TRIM9: variants seen among roughly 807,000 people sequenced by gnomAD.
The protein encoded by TRIM9 is tripartite motif containing 9, also known as E3 ubiquitin-protein ligase TRIM9.
A neutral mutation model predicts 78.3 loss-of-function variants in TRIM9; 26 were observed. That is an observed-to-expected ratio of 0.33 (90% CI 0.24 to 0.46). The LOEUF (loss-of-function observed/expected upper bound fraction) is 0.46. Ranked by LOEUF, TRIM9 falls within the 20% of genes least tolerant of loss-of-function variation. TRIM9 has a pLI of 1.00. For synonymous variants in TRIM9, 398 were observed against 416.5 expected (o/e 0.96, Z 0.54); for missense variants, 787 against 1,036.4 (o/e 0.76, Z 3.30).
chr14:51,095,029 G>C lies in TRIM9; in HGVS notation c.-90C>G. 9.9e-7 allele frequency: 1 copy of C among 1,008,948 alleles called. No homozygotes were observed. The highest frequency in any genetic ancestry group is 1.3e-6 in the Non-Finnish European group (1 of 761,000). 62.5% of individuals were successfully genotyped at this position (1,008,948 alleles called of 1,614,324 possible). ...CGGGCCCGTCTTGTCCAGCACCCTG[G>C]CCAGCGGCGGCGGCTGTGGTGGTGG... On this transcript the variant is annotated 5_prime_UTR_variant, in exon 1 of 13. Transcript: ENST00000684578.
At chr14:51,083,370 G>A (rs1285113782) in intron 1 of TRIM9, among the ~76,000 whole-genome samples, 1 of 152,038 alleles carries the variant, frequency 6.6e-6, no homozygotes, top group Non-Finnish European at 1.5e-5. Flanking sequence ...TCCTGCCTCA[G>A]GAGGATCCTC....
chr14:50,975,916 C>A lies in TRIM9; in HGVS notation c.*1375G>T, dbSNP rs2051058822. The A allele has an allele frequency of 6.6e-6, 1 of 152,572 alleles. No homozygotes were observed. The highest frequency in any genetic ancestry group is 6.5e-5 in the Admixed American group (1 of 15,276). The allele number at this position is 152,572 out of a possible 1,614,324, so 9.5% of individuals were successfully genotyped here. On this transcript the variant is annotated 3_prime_UTR_variant, in exon 13 of 13. Coordinates refer to ENST00000684578, the MANE Select transcript of TRIM9 (RefSeq NM_001387360.1). ...CAGTCATAGTAATGACATACAGTCC[C>A]ATGTTTTTCCAAACATTGTTTGGAC...
In TRIM9 at chr14:51,009,171, G is replaced by C. The variant is rs971353624; in HGVS notation, c.1215C>G (p.Leu405=). 16 of 1,613,974 alleles carry C rather than the reference G, an allele frequency of 9.9e-6. No homozygotes were observed. In the African/African-American group the frequency reaches 1.9e-4, roughly 19 times the overall value. Residue 405 remains leucine, a synonymous_variant, in exon 5 of 13, where the codon CTC becomes CTG. Coordinates refer to ENST00000684578, the MANE Select transcript of TRIM9 (RefSeq NM_001387360.1). ...LTEDQWGKGT[L]TPRMTTDFDL... Reference sequence around the variant, plus strand: ...CAAAGTCCGTGGTCATCCTTGGAGTGAGTGTGCCTTTACCCCACTGATCCT... The same window carrying C: ...CAAAGTCCGTGGTCATCCTTGGAGTCAGTGTGCCTTTACCCCACTGATCCT...
intron 7 of TRIM9, among the ~76,000 whole-genome samples, chr14:50,988,072 G>A (rs1320368698): frequency 6.6e-6 from 1 of 152,196 alleles, no homozygotes. Flanking sequence ...AAAGTGCTGA[G>A]ATTACAGGCG....
At chr14:51,082,860 TCTC>T (rs144415384) in intron 1 of TRIM9, among the ~76,000 whole-genome samples, 1,984 of 152,302 alleles carry the variant, frequency 0.013, 18 homozygotes, top group Non-Finnish European at 0.017. Context: ...ATATGTAGGT[TCTC>T]TTCTGTGCAG....
At chr14:51,080,690 C>A (rs1475280817) in intron 1 of TRIM9, among the ~76,000 whole-genome samples, 1 of 152,144 alleles carries the variant, frequency 6.6e-6, no homozygotes, top group Non-Finnish European at 1.5e-5. Flanking sequence ...TGGGTGGCCA[C>A]CTTTTTGACA....
At chr14:51,043,473 C>T (rs539550300) in intron 1 of TRIM9, among the ~76,000 whole-genome samples, 28 of 152,290 alleles carry the variant, frequency 1.8e-4, no homozygotes, top group African/African-American at 6.7e-4. Flanking sequence ...TGCCTGTTGG[C>T]CCCATAAACA....
At chr14:51,019,731 C>T (rs773731555) in intron 3 of TRIM9, among the ~76,000 whole-genome samples, 1 of 152,166 alleles carries the variant, frequency 6.6e-6, no homozygotes, top group Non-Finnish European at 1.5e-5. Context: ...TTGCAATGCC[C>T]TATGAGGTAC....
chr14:51,032,114 C>G (rs1364272997), intron 1 of TRIM9, among the ~76,000 whole-genome samples: 1 of 152,194 alleles, frequency 6.6e-6, no homozygotes, highest in African/African-American at 2.4e-5. Context: ...TAATTTAAGT[C>G]TAAACATGCT....
intron 7 of TRIM9, among the ~76,000 whole-genome samples, chr14:50,990,857 T>C (rs2053416477): frequency 6.6e-6 from 1 of 152,240 alleles, no homozygotes. Context: ...AATTTGCTTT[T>C]GTTGGGAAGA....
intron 1 of TRIM9, among the ~76,000 whole-genome samples, chr14:51,067,233 C>T (rs11157794): frequency 0.14 from 20,764 of 152,074 alleles, 1,536 homozygotes; most frequent in Middle Eastern, 0.2. Context: ...GTTTCTGAGG[C>T]CCCCTCCTAA....
intron 11 of TRIM9, among the ~76,000 whole-genome samples, chr14:50,980,635 A>G (rs1300437366): frequency 6.6e-6 from 1 of 152,242 alleles, no homozygotes; most frequent in Non-Finnish European, 1.5e-5. Context: ...TGCACTTCAA[A>G]ACAAAGACGC....
At chr14:50,983,216 G>A (rs2052214122) in intron 9 of TRIM9, among the ~76,000 whole-genome samples, 164 bp downstream of exon 9, 1 of 152,098 alleles carries the variant, frequency 6.6e-6, no homozygotes, top group South Asian at 2.1e-4. Context: ...AACACTACAG[G>A]CATCTTTTCC....
At position 51,094,573 on chromosome 14, in the gene TRIM9, T is replaced by C; in HGVS notation, c.367A>G (p.Asn123Asp). ...LSPALAPVPR[N>D]SCITCPQCHR... The stretch of plus-strand genomic sequence containing the variant: ...CACTGGGGGCAGGTGATACAGGAGT[T>C]GCGGGGCACCGGGGCCAGGGCCGGT... Residue 123 changes from asparagine to aspartate, a missense_variant, in exon 1 of 13, where the codon AAC (asparagine) becomes GAC (aspartate). By Grantham distance (23) the Asn-to-Asp change is conservative. Coordinates refer to ENST00000684578, the MANE Select transcript of TRIM9 (RefSeq NM_001387360.1). 1 of 1,612,134 alleles carries C rather than the reference T, an allele frequency of 6.2e-7. No homozygotes were observed.
chr14:51,032,786 T>C (rs2058844274), intron 1 of TRIM9, among the ~76,000 whole-genome samples: 1 of 152,262 alleles, frequency 6.6e-6, no homozygotes, highest in African/African-American at 2.4e-5. Flanking sequence ...TGAAATCATG[T>C]ATATAAAGTT....
intron 1 of TRIM9, among the ~76,000 whole-genome samples, chr14:51,070,595 A>C (rs533817749): frequency 1.4e-4 from 21 of 152,202 alleles, no homozygotes; most frequent in Middle Eastern, 3.4e-3. Context: ...GAACTCTGAA[A>C]TGCTTCAATG....
At chr14:50,981,768 G>A (rs2051946821) in intron 11 of TRIM9, 32 bp downstream of exon 11, 2 of 1,611,626 alleles carry the variant, frequency 1.2e-6, no homozygotes, top group East Asian at 4.5e-5. Flanking sequence ...AAGCCAACGT[G>A]AAGAAGGCTT....
intron 8 of TRIM9, among the ~76,000 whole-genome samples, chr14:50,984,404 T>C (rs2052422913): frequency 6.6e-6 from 1 of 152,250 alleles, no homozygotes. Context: ...ATAAAAATTA[T>C]GATCTTACTT....
chr14:51,015,505 CTTTTT>C lies in TRIM9; in HGVS notation c.1042-5016_1042-5012del, dbSNP rs369652663. 2.3e-3 allele frequency among the ~76,000 whole-genome samples: 140 copies of C among 61,312 alleles called. No homozygotes were observed. In the East Asian group the frequency reaches 0.024, roughly 10 times the overall value. 40.2% of individuals were successfully genotyped at this position (61,312 alleles called of 152,430 possible). ...AATGCTTTTTTCTTTCTTTACTTTT[CTTTTT>C]TTTTTTTTTTTTTTTTTTTTTTTAG... On this transcript the variant is annotated intron_variant, in intron 3 of 12. Coordinates refer to ENST00000684578, the MANE Select transcript of TRIM9 (RefSeq NM_001387360.1).
Sources: allele counts gnomAD v4.1 joint callset (sites outside exome capture counted in the v4.1 genomes callset), GRCh38; gene constraint gnomAD v4.1.1; transcripts MANE v1.5; gene names NCBI Gene and HGNC (gene_info 2026-07-23, HGNC 2026-07-21).